The following EML5 variants were observed in gnomAD, a reference collection of about 807,000 sequenced individuals.
The protein encoded by EML5 is EMAP like 5, also known as echinoderm microtubule-associated protein-like 5.
EML5 carries 120 observed loss-of-function variants against 250.0 expected under a neutral mutation model. The observed-to-expected ratio is 0.48, with a 90% CI of 0.41 to 0.56. The LOEUF (loss-of-function observed/expected upper bound fraction) is 0.56, where lower values mean the gene tolerates loss of function less well. EML5 is among the 20% of genes least tolerant of loss of function. The probability of loss-of-function intolerance (pLI) is 0.00; values close to 1 mark genes in which losing one functional copy is unlikely to be tolerated. For synonymous variants in EML5, 771 were observed against 806.5 expected, an observed-to-expected ratio of 0.96 and a Z score of 0.75; for missense variants, 2,006 against 2,437.6, an observed-to-expected ratio of 0.82 and a Z score of 3.73.
At chr14:88,774,844 C>T (rs527943700) in intron 1 of EML5, among the ~76,000 whole-genome samples, 1 of 152,082 alleles carries the variant, frequency 6.6e-6, no homozygotes, top group Non-Finnish European at 1.5e-5. Flanking sequence ...GCTCAGATTG[C>T]TTCCCTGAAT....
intron 17 of EML5, among the ~76,000 whole-genome samples, chr14:88,690,869 C>G (rs1163229351): frequency 3.9e-5 from 6 of 152,168 alleles, no homozygotes; most frequent in Non-Finnish European, 2.9e-5. Flanking sequence ...AAACTATCTT[C>G]TAGAGCAGGG....
Position 88,736,538 on chromosome 14 carries a change from C to A in EML5, c.875G>T (p.Arg292Leu). ...TGTTCCAACTAGAATGTGGTCACCT[C>A]GCCAACACACACTCCTTACAGACAA... is the stretch of plus-strand genomic sequence containing the variant. ...KGLSVRSVCW[R>L]GDHILVGTQD... Residue 292 changes from arginine to leucine, a missense_variant, in exon 7 of 44, where the codon CGA (arginine) becomes CTA (leucine). Physicochemically the swap from Arg to Leu is moderately radical, Grantham distance 102. Coordinates refer to ENST00000554922, the MANE Select transcript of EML5 (RefSeq NM_183387.3). The A allele has an allele frequency of 6.2e-7, 1 of 1,613,828 alleles. No homozygotes were observed.
In EML5 at chr14:88,762,301, G is replaced by A. The variant is rs534322672; in HGVS notation, c.198-7630C>T. Reference sequence around the variant, plus strand: ...CGAGGCAGGTGGATCACCTGAGGTCGGGAGTTCGAGACTAGCCTGACCAAC... The same window carrying A: ...CGAGGCAGGTGGATCACCTGAGGTCAGGAGTTCGAGACTAGCCTGACCAAC... On this transcript the variant is annotated intron_variant, in intron 1 of 43. Coordinates refer to ENST00000554922, the MANE Select transcript of EML5 (RefSeq NM_183387.3). Among the ~76,000 whole-genome samples, 207 of 152,190 alleles carry A rather than the reference G, an allele frequency of 1.4e-3. 1 individual carries two copies. The highest frequency in any genetic ancestry group is 2.5e-3 in the Non-Finnish European group (170 of 68,002).
intron 8 of EML5, among the ~76,000 whole-genome samples, chr14:88,717,582 C>T (rs1315916092): frequency 6.6e-6 from 1 of 151,988 alleles, no homozygotes; most frequent in Non-Finnish European, 1.5e-5. Flanking sequence ...GGTGAAACCC[C>T]ATCTCTACTA....
At position 88,715,059 on chromosome 14, in the gene EML5, T is replaced by C; in HGVS notation, c.1324A>G (p.Lys442Glu). Residue 442 changes from lysine to glutamate, a missense_variant, in exon 9 of 44, where the codon AAA (lysine) becomes GAA (glutamate). Transcript: ENST00000554922. ...VDIYGVAQRY[K>E]KVGECLGSLS... is the part of the protein sequence containing the mutation. ...GATCCCAAACACTCGCCAACTTTTT[T>C]ATAACGCTGAGCAACTCCATAAATA... 3 of 1,613,914 alleles carry C rather than the reference T, an allele frequency of 1.9e-6. No homozygotes were observed. Among genetic ancestry groups the C allele is most frequent in the Non-Finnish European group, 2.5e-6 (3 of 1,179,848 alleles).
intron 14 of EML5, among the ~76,000 whole-genome samples, chr14:88,697,934 T>G (rs945287720): frequency 6.6e-6 from 1 of 151,884 alleles, no homozygotes; most frequent in Non-Finnish European, 1.5e-5. Context: ...ACAGGGTTTC[T>G]CCATGTTGGT....
chr14:88,754,674 G>A lies in EML5; in HGVS notation c.198-3C>T. 6.3e-7 allele frequency: 1 copy of A among 1,593,750 alleles called. No homozygotes were observed. The highest frequency in any genetic ancestry group is 1.2e-5 in the South Asian group (1 of 86,894). On this transcript the variant is annotated splice_region_variant and splice_polypyrimidine_tract_variant and intron_variant, in intron 1 of 43. Coordinates refer to ENST00000554922, the MANE Select transcript of EML5 (RefSeq NM_183387.3). ...CTCGTTCAGGATGCAATGCAAGGCT[G>A]TAAAATAAGGAAATAAATAAGTAGT... is the stretch of plus-strand genomic sequence containing the variant.
chr14:88,770,762 A>C (rs2094383683), intron 1 of EML5, among the ~76,000 whole-genome samples: 1 of 152,192 alleles, frequency 6.6e-6, no homozygotes, highest in South Asian at 2.1e-4. Context: ...GTAAAAACTC[A>C]ACATTTATGG....
chr14:88,748,438 AG>A (rs2094040572), intron 2 of EML5, among the ~76,000 whole-genome samples: 1 of 152,206 alleles, frequency 6.6e-6, no homozygotes, highest in Non-Finnish European at 1.5e-5. Flanking sequence ...AAATTATACC[AG>A]TAATTCTAGA....
At chr14:88,628,972 C>T (rs1047622806) in intron 33 of EML5, among the ~76,000 whole-genome samples, 9 of 151,814 alleles carry the variant, frequency 5.9e-5, no homozygotes. Context: ...AAATTTATGA[C>T]AATAATGTCA....
In EML5 at chr14:88,616,777, T is replaced by A; in HGVS notation, c.5745A>T (p.Gly1915=). 1.9e-6 allele frequency: 3 copies of A among 1,613,930 alleles called. No individual in the cohort carries two copies. Among genetic ancestry groups the A allele is most frequent in the Non-Finnish European group, 2.5e-6 (3 of 1,179,858 alleles). ...VSHSGISLVT[G]DDFGMVKLFD... ...ATAACTTAACCATGCCAAAGTCATC[T>A]CCTGTAACAAGACTGATTCCTGAAT... Residue 1915 remains glycine (G), a synonymous_variant, in exon 42 of 44, where the codon GGA becomes GGT. Coordinates refer to ENST00000554922, the MANE Select transcript of EML5 (RefSeq NM_183387.3).
chr14:88,625,007 G>T lies in EML5; in HGVS notation c.4861C>A (p.Arg1621=), dbSNP rs2089704956. The T allele has an allele frequency of 2.5e-6, 4 of 1,613,458 alleles. No individual in the cohort carries two copies. The highest frequency in any genetic ancestry group is 1.1e-5 in the South Asian group (1 of 91,058). The stretch of plus-strand genomic sequence containing the variant: ...CCCCCAGTCACGATAAGTCCATCTC[G>T]CAGGGTGGTGTACATGGCAAACACA... ...GPVFAMYTTL[R]DGLIVTGGKE... The change falls in exon 36 of 44, where the codon CGA becomes AGA. Residue 1621 remains arginine, a synonymous_variant. Transcript: ENST00000554922.
chr14:88,655,717 A>C (rs1595391516), intron 27 of EML5, among the ~76,000 whole-genome samples: 1 of 152,334 alleles, frequency 6.6e-6, no homozygotes, highest in East Asian at 1.9e-4. Flanking sequence ...AAATTTTTGC[A>C]ATCTATCCAT....
intron 7 of EML5, among the ~76,000 whole-genome samples, chr14:88,728,637 A>C (rs1179783395): frequency 3.3e-5 from 5 of 152,116 alleles, no homozygotes; most frequent in Non-Finnish European, 7.4e-5. Flanking sequence ...GGAAGAGAAG[A>C]GGCTTGTCTT....
At chr14:88,647,286 C>T (rs769419698) in intron 28 of EML5, among the ~76,000 whole-genome samples, 1 of 151,960 alleles carries the variant, frequency 6.6e-6, no homozygotes, top group Non-Finnish European at 1.5e-5. Context: ...ACTGCTTGAA[C>T]CCAGGAAACG....
chr14:88,704,940 G>A lies in EML5; in HGVS notation c.1971C>T (p.Cys657=), dbSNP rs1248200130. ...AAGTAGCACTTTTTTGTTTCTCTTT[G>A]CACTGTTCTTTAAGCTGAGGTAGAT... is the stretch of plus-strand genomic sequence containing the variant. The part of the protein sequence containing the change: ...KEDLPQLKEQ[C]KEKQKSATSK... Residue 657 remains cysteine, a synonymous_variant, in exon 13 of 44, where the codon TGC becomes TGT. Transcript: ENST00000554922. 1.2e-6 allele frequency: 2 copies of A among 1,612,660 alleles called. No individual in the cohort carries two copies. The highest frequency in any genetic ancestry group is 1.7e-6 in the Non-Finnish European group (2 of 1,179,328).
intron 9 of EML5, among the ~76,000 whole-genome samples, chr14:88,714,358 A>G (rs1037025451): frequency 2.0e-5 from 3 of 152,162 alleles, no homozygotes; most frequent in African/African-American, 7.2e-5. Context: ...AAGGATTTAT[A>G]GTAGTAGTTG....
At chr14:88,668,288 C>G (rs533301791) in intron 21 of EML5, among the ~76,000 whole-genome samples, 1 of 152,054 alleles carries the variant, frequency 6.6e-6, no homozygotes, top group Admixed American at 6.6e-5. Flanking sequence ...AAGAAAAGTC[C>G]GGGGAGAAGC....
chr14:88,682,550 C>G (rs2092736859), intron 20 of EML5, among the ~76,000 whole-genome samples: 1 of 152,148 alleles, frequency 6.6e-6, no homozygotes, highest in Non-Finnish European at 1.5e-5. Flanking sequence ...GAGATCCACT[C>G]CCTTCCTCCC....
Sources: allele counts gnomAD v4.1 joint callset (sites outside exome capture counted in the v4.1 genomes callset), GRCh38; gene constraint gnomAD v4.1.1; transcripts MANE v1.5; gene names NCBI Gene and HGNC (gene_info 2026-07-23, HGNC 2026-07-21).